Variants in RFX2 observed in about 807,000 individuals in gnomAD.
The protein encoded by RFX2 is regulatory factor X2, also known as DNA-binding protein RFX2.
Under a neutral mutation model 87.8 loss-of-function variants are expected in RFX2, and 20 were observed. The ratio of observed to expected loss-of-function variants is 0.23; its 90% CI spans 0.16 to 0.33. RFX2 has a LOEUF of 0.33. Ranked by LOEUF, RFX2 falls within the 10% of genes least tolerant of loss-of-function variation. RFX2 has a pLI of 1.00. For missense variants in RFX2, 767 were observed against 1,012.3 expected, an observed-to-expected ratio of 0.76 and a Z score of 3.29; for synonymous variants, 397 against 431.3, an observed-to-expected ratio of 0.92 and a Z score of 0.98.
intron 1 of RFX2, among the ~76,000 whole-genome samples, chr19:6,109,754 G>A (rs188620863): frequency 6.6e-6 from 1 of 151,998 alleles, no homozygotes; most frequent in African/African-American, 2.4e-5. Context: ...AGTAAAAGAG[G>A]GGTCCCCGGG....
chr19:6,018,729 G>A (rs2086764580), intron 6 of RFX2, among the ~76,000 whole-genome samples: 1 of 152,258 alleles, frequency 6.6e-6, no homozygotes, highest in South Asian at 2.1e-4. Flanking sequence ...AGGATGAAGA[G>A]GAGCAAAGCG....
rs868093348 is a variant in RFX2, at chr19:6,096,486, T to G, written c.-9+13907A>C. 4.5e-4 allele frequency among the ~76,000 whole-genome samples: 69 copies of G among 152,196 alleles called. 1 individual carries two copies. The highest frequency in any genetic ancestry group is 3.4e-3 in the Middle Eastern group (1 of 294). On this transcript the variant is annotated intron_variant, in intron 1 of 17. Transcript: ENST00000303657. ...TTTTGAGATGGAGTCTTGCTCTGTC[T>G]CCCAGGCTGGAGTGCAGTGGCGCGA... is the stretch of plus-strand genomic sequence containing the variant.
chr19:6,105,395 A>C (rs2088200346), intron 1 of RFX2, among the ~76,000 whole-genome samples: 1 of 152,096 alleles, frequency 6.6e-6, no homozygotes, highest in Non-Finnish European at 1.5e-5. Flanking sequence ...AGCTGGAATG[A>C]GCTTCCAGAG....
At chr19:6,068,891 A>G (rs1292416570) in intron 1 of RFX2, among the ~76,000 whole-genome samples, 1 of 152,044 alleles carries the variant, frequency 6.6e-6, no homozygotes, top group Non-Finnish European at 1.5e-5. Context: ...AGAGAGAGCA[A>G]TCTGGAGGCT....
intron 1 of RFX2, among the ~76,000 whole-genome samples, chr19:6,088,279 G>A (rs1409549220): frequency 6.7e-6 from 1 of 149,714 alleles, no homozygotes; most frequent in Admixed American, 6.7e-5. Flanking sequence ...GACAGCAGTG[G>A]CGTGATCTCG....
chr19:6,008,171 G>T lies in RFX2; in HGVS notation c.1069C>A (p.Leu357Met). The T allele has an allele frequency of 6.4e-7, 1 of 1,560,766 alleles. No individual in the cohort carries two copies. The highest frequency in any genetic ancestry group is 8.7e-7 in the Non-Finnish European group (1 of 1,150,746). ...TCGTGCAGTGTGACGCCGTCCTGCA[G>T]CAGGAAGCTGCCCAGGTCGGGCGCT... ...FPAPDLGSFL[L>M]QDGVTLHDVK... The change falls in exon 10 of 18, where the codon CTG becomes ATG. Residue 357 changes from leucine to methionine, a missense_variant. Leu to Met is a conservative substitution (Grantham distance 15, BLOSUM62 2). This residue lies in a region of RFX2 where 621 missense variants were observed against 873.0 expected (regional missense o/e 0.71). Coordinates refer to ENST00000303657, the MANE Select transcript of RFX2 (RefSeq NM_000635.4).
intron 1 of RFX2, among the ~76,000 whole-genome samples, chr19:6,088,633 A>C (rs1371848048): frequency 6.6e-6 from 1 of 152,192 alleles, no homozygotes; most frequent in Non-Finnish European, 1.5e-5. Flanking sequence ...TAACAAAGTA[A>C]ATATTATTCC....
In RFX2 at chr19:5,994,902, C is replaced by A. The variant is rs141415407; in HGVS notation, c.2105G>T (p.Arg702Leu). The change falls in exon 18 of 18, where the codon CGC becomes CTC. Residue 702 changes from arginine to leucine, a missense_variant. By Grantham distance (102) the Arg-to-Leu change is moderately radical. Coordinates refer to ENST00000303657, the MANE Select transcript of RFX2 (RefSeq NM_000635.4). ...QRGSEAGPDA[R>L]SLGEPLVKRE... is the part of the protein sequence containing the mutation. ...CTTTACCAGGGGCTCACCCAGGCTG[C>A]GGGCGTCTGGGCCCGCCTCGCTGCC... The A allele has an allele frequency of 8.8e-5, 141 of 1,609,926 alleles. 1 individual carries two copies. The African/African-American group carries it at 1.6e-3, about 18-fold the overall frequency.
chr19:6,051,391 G>C (rs1227755800), intron 1 of RFX2, among the ~76,000 whole-genome samples: 1 of 151,930 alleles, frequency 6.6e-6, no homozygotes, highest in Admixed American at 6.5e-5. Context: ...CAGAGGATGG[G>C]GACAAATTAA....
intron 1 of RFX2, among the ~76,000 whole-genome samples, chr19:6,091,889 A>C (rs1235539086): frequency 2.0e-5 from 3 of 152,222 alleles, no homozygotes; most frequent in Non-Finnish European, 4.4e-5. Context: ...ACAATCAGGA[A>C]TCTGAAATGA....
At position 6,040,002 on chromosome 19, in the gene RFX2, G is replaced by A; in HGVS notation, c.500C>T (p.Thr167Ile). The A allele has an allele frequency of 6.3e-7, 1 of 1,595,122 alleles. No homozygotes were observed. Among genetic ancestry groups the A allele is most frequent in the Non-Finnish European group, 8.6e-7 (1 of 1,169,236 alleles). The change falls in exon 5 of 18, where the codon ACC (threonine) becomes ATC (isoleucine). Residue 167 changes from threonine to isoleucine, a missense_variant. Around this residue, in one of 2 missense-constraint regions of RFX2, gnomAD observed 621 missense variants for 873.0 expected, o/e 0.71. Transcript: ENST00000303657. This position sits in a 1 kb window ranked among gnomAD's most constrained non-coding sequence, Gnocchi z 6.1. ...MDSTRHSLAH[T>I]SRSSPATLEM... is the part of the protein sequence containing the mutation. ...TACCGTGGCGGGCGATGAGCGGGAG[G>A]TGTGGGCCAGGGAGTGTCTGGTGCT...
chr19:6,008,040 G>A (rs1568502876), intron 10 of RFX2, 66 bp downstream of exon 10: 2 of 1,230,374 alleles, frequency 1.6e-6, no homozygotes, highest in African/African-American at 3.0e-5. Flanking sequence ...GGGGACGCCT[G>A]GCCTGAGCGC....
intron 5 of RFX2, among the ~76,000 whole-genome samples, chr19:6,029,268 AAG>A (rs1258799202): frequency 6.6e-6 from 1 of 152,062 alleles, no homozygotes; most frequent in East Asian, 1.9e-4. Context: ...AAAAAAAAAA[AAG>A]AAAGTATGGC....
intron 1 of RFX2, among the ~76,000 whole-genome samples, chr19:6,048,620 C>G (rs1211350232): frequency 6.6e-6 from 1 of 152,168 alleles, no homozygotes; most frequent in Non-Finnish European, 1.5e-5. Context: ...AGACATACAT[C>G]GCGGTGCCCA....
At chr19:6,060,282 A>G (rs561867070) in intron 1 of RFX2, among the ~76,000 whole-genome samples, 2 of 152,108 alleles carry the variant, frequency 1.3e-5, no homozygotes, top group Non-Finnish European at 2.9e-5. Context: ...TTGTGCTCCA[A>G]CAGCAGAGGC....
intron 5 of RFX2, among the ~76,000 whole-genome samples, chr19:6,032,664 G>A (rs539373608): frequency 3.9e-5 from 6 of 152,302 alleles, no homozygotes; most frequent in East Asian, 3.9e-4. Flanking sequence ...CTCTGTGCAC[G>A]TCCTTTGTGG....
chr19:6,091,640 G>A (rs1437799205), intron 1 of RFX2, among the ~76,000 whole-genome samples: 1 of 152,134 alleles, frequency 6.6e-6, no homozygotes, highest in East Asian at 1.9e-4. Context: ...GCACGAGAAC[G>A]TACAAAGTAC....
chr19:6,068,375 T>C (rs2087543430), intron 1 of RFX2: 2 of 152,206 alleles, frequency 1.3e-5, no homozygotes, highest in Non-Finnish European at 2.9e-5. Flanking sequence ...GGAGTTTCTA[T>C]TCTAGACCAT....
At chr19:6,091,862 C>A (rs897826256) in intron 1 of RFX2, among the ~76,000 whole-genome samples, 1 of 152,110 alleles carries the variant, frequency 6.6e-6, no homozygotes, top group African/African-American at 2.4e-5. Flanking sequence ...GAATGAACTG[C>A]GGGAGGTAGG....
Sources: allele counts gnomAD v4.1 joint callset (sites outside exome capture counted in the v4.1 genomes callset), GRCh38; gene constraint gnomAD v4.1.1; regional missense constraint gnomAD v4.1.1; non-coding constraint Gnocchi (gnomAD v3.1); transcripts MANE v1.5; gene names NCBI Gene and HGNC (gene_info 2026-07-23, HGNC 2026-07-21).